Variants in BLM observed in about 807,000 individuals in gnomAD.
The protein encoded by BLM is BLM RecQ like helicase, also known as recQ-like DNA helicase BLM.
BLM carries 95 observed loss-of-function variants against 135.3 expected under a neutral mutation model. That is an observed-to-expected ratio of 0.70 (90% CI 0.59 to 0.83). The LOEUF is 0.83. Ranked by LOEUF, BLM falls within the 40% of genes least tolerant of loss-of-function variation. The pLI is 0.00. For missense variants in BLM, 1,518 were observed against 1,663.9 expected (o/e 0.91, Z 1.53); for synonymous variants, 520 against 589.2 (o/e 0.88, Z 1.70).
intron 5 of BLM, among the ~76,000 whole-genome samples, chr15:90,759,444 G>C (rs1479540884): frequency 6.6e-6 from 1 of 151,406 alleles, no homozygotes; most frequent in African/African-American, 2.4e-5. Flanking sequence ...GATGTGTTGT[G>C]TTGCTGGGCA....
rs2151187153 is a variant in BLM, at chr15:90,794,185, A to G, written c.3038A>G (p.His1013Arg). ...RLIMMEKDGN[H>R]HTRETHFNNL... ...CTTTTAGTGGAAAAAGATGGAAACCATCATACAAGAGAAACTCACTTCAAT... is the reference window on the plus strand; with the variant it reads ...CTTTTAGTGGAAAAAGATGGAAACCGTCATACAAGAGAAACTCACTTCAAT... The change falls in exon 16 of 22, where the codon CAT (histidine) becomes CGT (arginine). Residue 1013 changes from histidine to arginine, a missense_variant. His to Arg is a conservative substitution (Grantham distance 29, BLOSUM62 0). Coordinates refer to ENST00000355112, the MANE Select transcript of BLM (RefSeq NM_000057.4). 6.2e-7 allele frequency: 1 copy of G among 1,604,262 alleles called. No individual in the cohort carries two copies. The highest frequency in any genetic ancestry group is 8.5e-7 in the Non-Finnish European group (1 of 1,173,628).
At chr15:90,740,970 G>A (rs549386782) in intron 1 of BLM, among the ~76,000 whole-genome samples, 1 of 152,240 alleles carries the variant, frequency 6.6e-6, no homozygotes, top group Admixed American at 6.5e-5. Flanking sequence ...GTATGAAAAT[G>A]GACTAGAACA....
intron 17 of BLM, among the ~76,000 whole-genome samples, chr15:90,800,722 GAGTA>G (rs146587271): frequency 0.15 from 23,065 of 150,964 alleles, 1,874 homozygotes; most frequent in Non-Finnish European, 0.19. Context: ...CGTAGAGAGA[GAGTA>G]AGAAAGGAAT....
At chr15:90,728,413 T>C (rs1305396024) in intron 1 of BLM, among the ~76,000 whole-genome samples, 2 of 152,184 alleles carry the variant, frequency 1.3e-5, no homozygotes, top group African/African-American at 4.8e-5. Context: ...TAAATTTTTT[T>C]TGAGACAGGG....
In BLM at chr15:90,811,352, C is replaced by T. The variant is rs201149857; in HGVS notation, c.4022C>T (p.Ala1341Val). ...GAAAGGAAGAGGAAAAAGATGCCAG[C>T]CTCCCAAAGGTCTAAGAGGAGAAAA... Reference protein sequence around the residue: ...RNERKRKKMPASQRSKRRKTA... With the variant: ...RNERKRKKMPVSQRSKRRKTA... Residue 1341 changes from alanine (A) to valine (V), a missense_variant, in exon 21 of 22, where the codon GCC (alanine) becomes GTC (valine). This residue lies in a region of BLM where 153 missense variants were observed against 173.4 expected (regional missense o/e 0.88). Transcript: ENST00000355112. The T allele has an allele frequency of 2.7e-5, 44 of 1,614,156 alleles. No individual in the cohort carries two copies. In the East Asian group the frequency reaches 8.5e-4, roughly 31 times the overall value.
At chr15:90,737,479 A>T (rs1182293320) in intron 1 of BLM, among the ~76,000 whole-genome samples, 1 of 152,198 alleles carries the variant, frequency 6.6e-6, no homozygotes, top group Non-Finnish European at 1.5e-5. Context: ...GGAAATGGTG[A>T]TTCTATGGCT....
intron 9 of BLM, among the ~76,000 whole-genome samples, chr15:90,766,401 A>C (rs997318001): frequency 3.9e-5 from 6 of 152,258 alleles, no homozygotes; most frequent in African/African-American, 1.4e-4. Context: ...AATAATGAGA[A>C]GACCATTTTG....
intron 17 of BLM, among the ~76,000 whole-genome samples, chr15:90,802,982 C>T (rs1390843647): frequency 6.6e-6 from 1 of 151,822 alleles, no homozygotes; most frequent in Non-Finnish European, 1.5e-5. Flanking sequence ...TTAATAAATA[C>T]TAGATGCACT....
intron 17 of BLM, among the ~76,000 whole-genome samples, chr15:90,800,131 T>G (rs1358399356): frequency 6.6e-6 from 1 of 152,226 alleles, no homozygotes; most frequent in Non-Finnish European, 1.5e-5. Flanking sequence ...AGATGCCTTC[T>G]GCTCAAAATA....
chr15:90,760,512 T>C lies in BLM; in HGVS notation c.1221-82T>C, dbSNP rs1895943355. On this transcript the variant is annotated intron_variant, in intron 6 of 21. Coordinates refer to ENST00000355112, the MANE Select transcript of BLM (RefSeq NM_000057.4). ...ATATTTTGCTACAATTTCTATTTGG[T>C]ATGAAAACTACAGATTTGCTTTTGT... The C allele has an allele frequency of 3.6e-6, 5 of 1,401,672 alleles. No individual in the cohort carries two copies. The South Asian group carries it at 3.8e-5, about 11-fold the overall frequency. 86.8% of individuals were successfully genotyped at this position (1,401,672 alleles called of 1,614,324 possible).
At chr15:90,769,351 G>A (rs2151165961) in intron 11 of BLM, 87 bp from the exon 12 acceptor site, 1 of 1,562,968 alleles carries the variant, frequency 6.4e-7, no homozygotes, top group South Asian at 1.1e-5. Context: ...GAAGAATAAG[G>A]TAGTTCTTAA....
At chr15:90,762,771 G>C (rs758383803) in intron 7 of BLM, among the ~76,000 whole-genome samples, 195 bp from the exon 8 acceptor site, 13 of 152,054 alleles carry the variant, frequency 8.5e-5, no homozygotes, top group Non-Finnish European at 1.5e-4. Flanking sequence ...AAAAAGTCAA[G>C]GAAATACTTG....
At chr15:90,806,253 G>A (rs967870053) in intron 19 of BLM, among the ~76,000 whole-genome samples, 2 of 152,148 alleles carry the variant, frequency 1.3e-5, no homozygotes, top group Non-Finnish European at 2.9e-5. Flanking sequence ...GCTCACGCCT[G>A]TAATCCCTGC....
intron 17 of BLM, among the ~76,000 whole-genome samples, chr15:90,801,831 G>A (rs1378876835): frequency 2.0e-5 from 3 of 152,132 alleles, no homozygotes; most frequent in Admixed American, 6.5e-5. Flanking sequence ...CAAGACAGAC[G>A]GATTGCTTGA....
intron 12 of BLM, among the ~76,000 whole-genome samples, chr15:90,772,530 T>C (rs775167283): frequency 3.9e-5 from 6 of 152,356 alleles, no homozygotes; most frequent in Admixed American, 6.5e-5. Context: ...TTCCTCATTC[T>C]ACAGGTGAGG....
At chr15:90,800,335 C>T (rs1897134116) in intron 17 of BLM, among the ~76,000 whole-genome samples, 1 of 152,166 alleles carries the variant, frequency 6.6e-6, no homozygotes, top group South Asian at 2.1e-4. Flanking sequence ...GTGAAGAAAA[C>T]CCATAGTCAC....
In BLM at chr15:90,809,273, C is replaced by T. The variant is rs200469326; in HGVS notation, c.3874+14C>T. ...GGACATCGCCAGGTTAGTACACAGC[C>T]ATGTGTGTTCTCTAAAAGCCTGTTT... is the stretch of plus-strand genomic sequence containing the variant. On this transcript the variant is annotated intron_variant, in intron 20 of 21. Coordinates refer to ENST00000355112, the MANE Select transcript of BLM (RefSeq NM_000057.4). 1.9e-6 allele frequency: 3 copies of T among 1,614,050 alleles called. No individual in the cohort carries two copies. The highest frequency in any genetic ancestry group is 2.2e-5 in the East Asian group (1 of 44,884).
chr15:90,719,399 C>G (rs1163743903), intron 1 of BLM, among the ~76,000 whole-genome samples: 3 of 152,092 alleles, frequency 2.0e-5, no homozygotes, highest in Admixed American at 1.3e-4. Flanking sequence ...GCCAGGAGTT[C>G]GAGACTTGCC....
At chr15:90,798,677 T>C (rs867513392) in intron 17 of BLM, among the ~76,000 whole-genome samples, 1 of 147,786 alleles carries the variant, frequency 6.8e-6, no homozygotes, top group Non-Finnish European at 1.5e-5. Flanking sequence ...ATTATCAGAT[T>C]AGTGCCTTAA....
Sources: allele counts gnomAD v4.1 joint callset (sites outside exome capture counted in the v4.1 genomes callset), GRCh38; gene constraint gnomAD v4.1.1; regional missense constraint gnomAD v4.1.1; transcripts MANE v1.5; gene names NCBI Gene and HGNC (gene_info 2026-07-23, HGNC 2026-07-21).